Variants in IFTAP observed in about 807,000 individuals in gnomAD.
IFTAP encodes intraflagellar transport associated protein.
A neutral mutation model predicts 19.4 loss-of-function variants in IFTAP; 19 were observed. The ratio of observed to expected loss-of-function variants is 0.98; its 90% CI spans 0.68 to 1.44. The LOEUF is 1.44. Ranked by LOEUF, IFTAP falls within the 40% of genes most tolerant of loss-of-function variation. The pLI is 0.00. For missense variants in IFTAP, 240 were observed against 253.6 expected (o/e 0.95, Z 0.36); for synonymous variants, 85 against 83.5 (o/e 1.02, Z -0.10).
At chr11:36,641,497 G>T (rs1301548520) in intron 4 of IFTAP, among the ~76,000 whole-genome samples, 1 of 152,194 alleles carries the variant, frequency 6.6e-6, no homozygotes, top group Non-Finnish European at 1.5e-5. Flanking sequence ...TGGTTTCAAA[G>T]AATATCTTTA....
chr11:36,644,799 A>G (rs1390139514), intron 4 of IFTAP, among the ~76,000 whole-genome samples: 1 of 141,328 alleles, frequency 7.1e-6, no homozygotes, highest in African/African-American at 2.6e-5. Context: ...GAATTGAACA[A>G]TGAGAACACT....
intron 2 of IFTAP, among the ~76,000 whole-genome samples, chr11:36,626,564 C>T (rs1355681136): frequency 6.6e-6 from 1 of 151,288 alleles, no homozygotes; most frequent in African/African-American, 2.5e-5. Context: ...TTTTACTTTA[C>T]AGGAACTGTG....
chr11:36,611,678 A>G (rs542612972), intron 2 of IFTAP, among the ~76,000 whole-genome samples: 1 of 152,280 alleles, frequency 6.6e-6, no homozygotes, highest in South Asian at 2.1e-4. Context: ...CACTTAAACA[A>G]AAAACATAGA....
chr11:36,597,100 A>G (rs10219403), intron 1 of IFTAP, among the ~76,000 whole-genome samples: 3,422 of 152,308 alleles, frequency 0.022, 127 homozygotes, highest in African/African-American at 0.077. Flanking sequence ...GTGAGTAATT[A>G]ATTTTTAGAT....
intron 4 of IFTAP, among the ~76,000 whole-genome samples, chr11:36,638,134 G>A (rs531597534): frequency 5.0e-4 from 76 of 152,000 alleles, no homozygotes; most frequent in East Asian, 3.1e-3. Context: ...CACCTGCCTC[G>A]GCCACACCCC....
intron 1 of IFTAP, among the ~76,000 whole-genome samples, chr11:36,602,069 A>G (rs933126834): frequency 6.6e-6 from 1 of 152,200 alleles, no homozygotes; most frequent in Non-Finnish European, 1.5e-5. Flanking sequence ...TAAAGTATTG[A>G]GTGAAATTGG....
chr11:36,648,795 T>C (rs1853594093), intron 5 of IFTAP, among the ~76,000 whole-genome samples: 1 of 152,136 alleles, frequency 6.6e-6, no homozygotes, highest in Non-Finnish European at 1.5e-5. Flanking sequence ...GGCTTAGGAC[T>C]CAGGGTCCTT....
intron 4 of IFTAP, among the ~76,000 whole-genome samples, chr11:36,638,194 C>T (rs1487426578): frequency 6.6e-6 from 1 of 152,122 alleles, no homozygotes; most frequent in Non-Finnish European, 1.5e-5. Context: ...GCCCCCTCAC[C>T]CGGCCCGTCA....
intron 1 of IFTAP, among the ~76,000 whole-genome samples, chr11:36,606,136 G>T (rs1480187916): frequency 1.3e-5 from 2 of 152,204 alleles, no homozygotes; most frequent in African/African-American, 2.4e-5. Context: ...ATGACAGTTT[G>T]TGAAACTGCA....
intron 2 of IFTAP, among the ~76,000 whole-genome samples, chr11:36,628,273 C>G (rs1349895056): frequency 6.6e-6 from 1 of 151,206 alleles, no homozygotes; most frequent in Non-Finnish European, 1.5e-5. Context: ...GATTCTTACT[C>G]AGGCCTTGTG....
intron 1 of IFTAP, among the ~76,000 whole-genome samples, chr11:36,596,222 G>GTTTTTTTTTTTT (rs67282079): frequency 1.5e-4 from 18 of 118,348 alleles, no homozygotes; most frequent in East Asian, 1.2e-3. Flanking sequence ...TTTTTTTTTT[G>GTTTTTTTTTTTT]TTTTTTTTTT....
At chr11:36,651,061 G>A (rs1468368137) in intron 5 of IFTAP, among the ~76,000 whole-genome samples, 1 of 152,164 alleles carries the variant, frequency 6.6e-6, no homozygotes, top group Non-Finnish European at 1.5e-5. Context: ...AATCCTTTGG[G>A]TATATACCCA....
intron 4 of IFTAP, 118 bp downstream of exon 4, chr11:36,636,235 G>T (rs1852946429): frequency 1.4e-6 from 1 of 720,894 alleles, no homozygotes; most frequent in Non-Finnish European, 2.3e-6. Context: ...AAGACAGGAA[G>T]AACTAAAGTT....
intron 2 of IFTAP, among the ~76,000 whole-genome samples, chr11:36,617,189 A>G (rs1852124337): frequency 6.7e-6 from 1 of 149,146 alleles, no homozygotes; most frequent in African/African-American, 2.4e-5. Context: ...TTATTTGTAT[A>G]TTTATTTGTA....
intron 5 of IFTAP, among the ~76,000 whole-genome samples, chr11:36,651,402 TG>T (rs1206538664): frequency 6.6e-6 from 1 of 152,224 alleles, no homozygotes; most frequent in South Asian, 2.1e-4. Context: ...TTGATGGGGT[TG>T]TTTTTTTCTT....
intron 4 of IFTAP, among the ~76,000 whole-genome samples, chr11:36,638,470 C>G (rs1458428024): frequency 6.6e-6 from 1 of 152,188 alleles, no homozygotes; most frequent in Non-Finnish European, 1.5e-5. Context: ...GAAAATCAAC[C>G]TAGGCTTCAG....
At chr11:36,656,113 GCCGTATCTATA>G in intron 5 of IFTAP, among the ~76,000 whole-genome samples, 1 of 152,170 alleles carries the variant, frequency 6.6e-6, no homozygotes, top group African/African-American at 2.4e-5. Flanking sequence ...AATGGGTTGG[GCCGTATCTATA>G]ACCAACTTGG....
At chr11:36,645,238 T>C (rs748508371) in intron 4 of IFTAP, among the ~76,000 whole-genome samples, 1 of 152,148 alleles carries the variant, frequency 6.6e-6, no homozygotes, top group Admixed American at 6.6e-5. Flanking sequence ...ATGGCTGTAG[T>C]CTTTGACTTG....
rs61743772 is a variant in IFTAP, at chr11:36,633,354, T to G, written c.207T>G (p.Val69=). The change falls in exon 3 of 6, where the codon GTT becomes GTG. Residue 69 remains valine, a synonymous_variant. Coordinates refer to ENST00000334307, the MANE Select transcript of IFTAP (RefSeq NM_138787.4). The part of the protein sequence containing the change: ...SSENIFTSAK[V]THKNEADDYH... ...AAAACATTTTTACCTCAGCAAAAGT[T>G]ACTCATAAAAATGAAGCAGATGACT... The G allele has an allele frequency of 1.2e-6, 2 of 1,604,446 alleles. No individual in the cohort carries two copies. The highest frequency in any genetic ancestry group is 1.7e-6 in the Non-Finnish European group (2 of 1,175,696).
Sources: allele counts gnomAD v4.1 joint callset (sites outside exome capture counted in the v4.1 genomes callset), GRCh38; gene constraint gnomAD v4.1.1; transcripts MANE v1.5; gene names NCBI Gene and HGNC (gene_info 2026-07-23, HGNC 2026-07-21).